ALKBH5: variants seen among roughly 807,000 people sequenced by gnomAD.
The protein encoded by ALKBH5 is alkB homolog 5, RNA demethylase.
A neutral mutation model predicts 32.1 loss-of-function variants in ALKBH5; 2 were observed. The observed-to-expected ratio is 0.06, with a 90% CI of 0.03 to 0.20. ALKBH5 has a LOEUF of 0.20. ALKBH5 is among the 10% of genes least tolerant of loss of function. ALKBH5 has a pLI of 1.00. For synonymous variants in ALKBH5, 300 were observed against 231.7 expected (o/e 1.29, Z -2.68); for missense variants, 352 against 559.5 (o/e 0.63, Z 3.74).
At chr17:18,197,354 A>T (rs1247986908) in intron 2 of ALKBH5, among the ~76,000 whole-genome samples, 1 of 152,250 alleles carries the variant, frequency 6.6e-6, no homozygotes, top group Non-Finnish European at 1.5e-5. Flanking sequence ...AATGGAGTCC[A>T]GAGTGTAGCA....
intron 1 of ALKBH5, among the ~76,000 whole-genome samples, chr17:18,194,500 T>TC (rs933800497): frequency 5.9e-5 from 9 of 151,970 alleles, no homozygotes; most frequent in Non-Finnish European, 1.2e-4. Flanking sequence ...AAATTTTGGA[T>TC]CCCCCCAAAT....
Position 18,184,421 on chromosome 17 carries a change from T to C in ALKBH5, c.178T>C (p.Tyr60His). 6.3e-7 allele frequency: 1 copy of C among 1,587,082 alleles called. No individual in the cohort carries two copies. The highest frequency in any genetic ancestry group is 8.6e-7 in the Non-Finnish European group (1 of 1,167,468). ...CCCTGTGTCCGGGGCCAAGCGCAAG[T>C]ATCAGGAGGACTCGGACCCCGAGCG... The part of the protein sequence containing the change: ...PYPVSGAKRK[Y>H]QEDSDPERSD... The change falls in exon 1 of 4, where the codon TAT becomes CAT. Residue 60 changes from tyrosine to histidine, a missense_variant. Physicochemically the swap from Tyr to His is moderately conservative, Grantham distance 83. This residue lies in a region of ALKBH5 where 144 missense variants were observed against 125.8 expected (regional missense o/e 1.14). Transcript: ENST00000399138.
At position 18,206,948 on chromosome 17, in the gene ALKBH5, G is replaced by T; in HGVS notation, c.985G>T (p.Ala329Ser). ...GAAACCCAAGCGGTCCCACCGCAAG[G>T]CAGACCCTGATGCTGCCCACAGGTA... ...ALKPKRSHRK[A>S]DPDAAHRPRI... is the part of the protein sequence containing the mutation. The change falls in exon 3 of 4, where the codon GCA (alanine) becomes TCA (serine). Residue 329 changes from alanine to serine, a missense_variant. Transcript: ENST00000399138. The T allele has an allele frequency of 6.2e-7, 1 of 1,614,244 alleles. No individual in the cohort carries two copies. Among genetic ancestry groups the T allele is most frequent in the Middle Eastern group, 1.7e-4 (1 of 6,060 alleles).
At chr17:18,193,171 T>C (rs1433982653) in intron 1 of ALKBH5, among the ~76,000 whole-genome samples, 1 of 151,668 alleles carries the variant, frequency 6.6e-6, no homozygotes, top group Non-Finnish European at 1.5e-5. Flanking sequence ...CTGTCTACTG[T>C]CTCTTATGGG....
intron 2 of ALKBH5, among the ~76,000 whole-genome samples, chr17:18,202,763 C>CT (rs1183315753): frequency 8.6e-5 from 13 of 151,560 alleles, no homozygotes; most frequent in African/African-American, 3.2e-4. Context: ...CCCACCTGCA[C>CT]TTTATTTTTT....
At chr17:18,195,792 C>T (rs1051889768) in intron 2 of ALKBH5, among the ~76,000 whole-genome samples, 9 of 152,180 alleles carry the variant, frequency 5.9e-5, no homozygotes, top group African/African-American at 2.2e-4. Flanking sequence ...CAAGTGCCAC[C>T]ATACCTGGTT....
intron 3 of ALKBH5, 58 bp downstream of exon 3, chr17:18,207,028 G>A: frequency 1.3e-6 from 2 of 1,586,496 alleles, no homozygotes; most frequent in Non-Finnish European, 1.7e-6. Context: ...AGGGTGAGAA[G>A]GGTGGAGAAG....
chr17:18,201,743 T>TTAGG (rs2047236989), intron 2 of ALKBH5, among the ~76,000 whole-genome samples: 4 of 129,826 alleles, frequency 3.1e-5, no homozygotes, highest in African/African-American at 1.1e-4. Flanking sequence ...AGACTCCATC[T>TTAGG]TAGATAGATA....
chr17:18,208,598 T>G lies in ALKBH5; in HGVS notation c.*202T>G. 1.4e-6 allele frequency: 1 copy of G among 699,994 alleles called. No individual in the cohort carries two copies. 43.4% of individuals were successfully genotyped at this position (699,994 alleles called of 1,614,324 possible). A position where few individuals can be genotyped will look rare whatever the true frequency, so the allele number is the denominator to read the frequency against. The stretch of plus-strand genomic sequence containing the variant: ...GCCAGGACCTAGGTTCTCATATTCT[T>G]GGTATTCCTCCTGGATGGAAAGGCT... On this transcript the variant is annotated 3_prime_UTR_variant, in exon 4 of 4. Transcript: ENST00000399138.
chr17:18,190,986 A>G (rs991534430), intron 1 of ALKBH5, among the ~76,000 whole-genome samples: 1 of 152,216 alleles, frequency 6.6e-6, no homozygotes, highest in African/African-American at 2.4e-5. Context: ...GAGAGGGAGC[A>G]GGCAAGCCAG....
At position 18,207,055 on chromosome 17, in the gene ALKBH5, T is replaced by G. The variant is rs975064087; in HGVS notation, c.1007+85T>G. The G allele has an allele frequency of 4.6e-6, 7 of 1,520,740 alleles. No individual in the cohort carries two copies. The African/African-American group carries it at 7.0e-5, about 15-fold the overall frequency. 94.2% of individuals were successfully genotyped at this position (1,520,740 alleles called of 1,614,324 possible). ...GTGGAGAAGCCTGGGGTAGGCTGTT[T>G]AGGAGCCTTGGCTTGCTCACCCTTT... On this transcript the variant is annotated intron_variant, in intron 3 of 3. Coordinates refer to ENST00000399138, the MANE Select transcript of ALKBH5 (RefSeq NM_017758.4).
At chr17:18,197,743 G>A (rs2047212551) in intron 2 of ALKBH5, among the ~76,000 whole-genome samples, 2 of 152,220 alleles carry the variant, frequency 1.3e-5, no homozygotes, top group Non-Finnish European at 2.9e-5. Context: ...CCCTGCCAGT[G>A]GCCTGACCTT....
At position 18,208,267 on chromosome 17, in the gene ALKBH5, G is replaced by A; in HGVS notation, c.1056G>A (p.Leu352=). 1 of 1,614,080 alleles carries A rather than the reference G, an allele frequency of 6.2e-7. No homozygotes were observed. Among genetic ancestry groups the A allele is most frequent in the Non-Finnish European group, 8.5e-7 (1 of 1,179,954 alleles). The change falls in exon 4 of 4, where the codon CTG becomes CTA. Residue 352 remains leucine (L), a synonymous_variant. Transcript: ENST00000399138. ...AGGAAGAGAACCGGCGCTCGGTGCT[G>A]CTGCCCACACACCGGCGGAGGGGTA... ...MDKEENRRSV[L]LPTHRRRGSF...
At chr17:18,206,621 G>A (rs1295180135) in intron 2 of ALKBH5, 194 bp from the exon 3 acceptor site, 7 of 624,860 alleles carry the variant, frequency 1.1e-5, no homozygotes, top group Non-Finnish European at 2.0e-5. Context: ...TCCTAAAGGT[G>A]GACTTGAGGA....
intron 1 of ALKBH5, among the ~76,000 whole-genome samples, chr17:18,188,714 A>G (rs545521180): frequency 1.3e-5 from 2 of 152,336 alleles, no homozygotes; most frequent in African/African-American, 4.8e-5. Context: ...AAGGAAGCTA[A>G]CAGTGAACCA....
chr17:18,197,229 C>T (rs1296345819), intron 2 of ALKBH5, among the ~76,000 whole-genome samples: 1 of 152,202 alleles, frequency 6.6e-6, no homozygotes, highest in Non-Finnish European at 1.5e-5. Context: ...GGGTTGGCAG[C>T]CTCTCTTTTC....
intron 1 of ALKBH5, among the ~76,000 whole-genome samples, chr17:18,185,282 A>G (rs1016503003): frequency 4.6e-5 from 7 of 152,256 alleles, no homozygotes; most frequent in African/African-American, 1.7e-4. Flanking sequence ...ATCTTTTCAG[A>G]AGGCTGTTCC....
chr17:18,188,111 G>T (rs2047150580), intron 1 of ALKBH5, among the ~76,000 whole-genome samples: 1 of 152,174 alleles, frequency 6.6e-6, no homozygotes, highest in Non-Finnish European at 1.5e-5. Context: ...TTAGGCCTGG[G>T]TGGATCCCCT....
chr17:18,191,285 GT>G (rs2047173077), intron 1 of ALKBH5, among the ~76,000 whole-genome samples: 1 of 152,202 alleles, frequency 6.6e-6, no homozygotes, highest in Non-Finnish European at 1.5e-5. Context: ...GAAAGGGTCA[GT>G]GGGCTGTGTC....
Sources: gnomAD v4.1 joint callset for allele counts (sites outside exome capture counted in the v4.1 genomes callset) on GRCh38, gnomAD v4.1.1 for gene constraint, gnomAD v4.1.1 regional missense constraint, MANE v1.5 for transcripts, NCBI Gene and HGNC (gene_info 2026-07-23, HGNC 2026-07-21) for gene names.